VPS16: variants seen among roughly 807,000 people sequenced by gnomAD.
VPS16 encodes the protein VPS16 core subunit of CORVET and HOPS complexes.
A neutral mutation model predicts 116.0 loss-of-function variants in VPS16; 82 were observed. That is an observed-to-expected ratio of 0.71 (90% CI 0.59 to 0.85). The LOEUF (loss-of-function observed/expected upper bound fraction) is 0.85, where lower values mean the gene tolerates loss of function less well. Ranked by LOEUF, VPS16 falls within the 40% of genes least tolerant of loss-of-function variation. The probability of loss-of-function intolerance (pLI) is 0.00; values close to 1 mark genes in which losing one functional copy is unlikely to be tolerated. For synonymous variants in VPS16, 406 were observed against 420.7 expected (o/e 0.96, Z 0.43); for missense variants, 928 against 1,090.6 (o/e 0.85, Z 2.10).
At position 2,842,674 on chromosome 20, in the gene VPS16, ATATATATATAGATACATCTAGATGTATC is replaced by A. The variant is rs1463090846; in HGVS notation, c.53+1856_53+1883del. Among the ~76,000 whole-genome samples the A allele has an allele frequency of 2.0e-3, 283 of 139,046 alleles. 7 individuals are homozygous for A. Among genetic ancestry groups the A allele is most frequent in the African/African-American group, 6.3e-3 (212 of 33,444 alleles). 91.2% of individuals were successfully genotyped at this position (139,046 alleles called of 152,430 possible). Reference sequence around the variant, plus strand: ...TATAGATAGATATATAGATGTATCTATATATATATAGATACATCTAGATGTATCTATATATAGATAGACATATGGATGT... The same window carrying A: ...TATAGATAGATATATAGATGTATCTATATATATAGATAGACATATGGATGT... On this transcript the variant is annotated intron_variant, in intron 1 of 23. Transcript: ENST00000380445.
In VPS16 at chr20:2,860,034, G is replaced by A; in HGVS notation, c.143-20G>A. Reference sequence around the variant, plus strand: ...GTGGGCCTAGGGAGCTAGGACAGAAGGTCTCTTCTCAAACTGCAGCACTGC... The same window carrying A: ...GTGGGCCTAGGGAGCTAGGACAGAAAGTCTCTTCTCAAACTGCAGCACTGC... On this transcript the variant is annotated intron_variant, in intron 2 of 23. Transcript: ENST00000380445. The surrounding 1 kb of genome is among the most constrained non-coding windows in gnomAD (Gnocchi z 6.1). The A allele has an allele frequency of 6.2e-7, 1 of 1,613,774 alleles. No individual in the cohort carries two copies. Among genetic ancestry groups the A allele is most frequent in the African/African-American group, 1.3e-5 (1 of 75,042 alleles).
In VPS16 at chr20:2,861,232, T is replaced by C; in HGVS notation, c.761T>C (p.Leu254Pro). The C allele has an allele frequency of 6.2e-7, 1 of 1,614,172 alleles. No individual in the cohort carries two copies. Among genetic ancestry groups the C allele is most frequent in the Admixed American group, 1.7e-5 (1 of 60,022 alleles). Reference protein sequence around the residue: ...WMGTASLKEKLCEFNCNIRAP... With the variant: ...WMGTASLKEKPCEFNCNIRAP... ...TTGCCCACACCATTTCAGGAGAAGC[T>C]ATGTGAGTTCAACTGCAACATCCGG... The change falls in exon 8 of 24, where the codon CTA (leucine) becomes CCA (proline). Residue 254 changes from leucine to proline, a missense_variant. By Grantham distance (98) the Leu-to-Pro change is moderately conservative. Transcript: ENST00000380445.
In VPS16 at chr20:2,865,848, T is replaced by C; in HGVS notation, c.2271+353T>C. 2.2e-6 allele frequency: 1 copy of C among 455,558 alleles called. No individual in the cohort carries two copies. 28.2% of individuals were successfully genotyped at this position (455,558 alleles called of 1,614,324 possible). On this transcript the variant is annotated intron_variant, in intron 22 of 23. Transcript: ENST00000380445. This position sits in a 1 kb window ranked among gnomAD's most constrained non-coding sequence, Gnocchi z 5.2. ...GCAGTGGAGATACTGAGGGCTGTTTTCTGTGGTGGGTAGTTCAGAGGTGTA... is the reference window on the plus strand; with the variant it reads ...GCAGTGGAGATACTGAGGGCTGTTTCCTGTGGTGGGTAGTTCAGAGGTGTA...
chr20:2,856,370 G>A (rs2089171944), intron 1 of VPS16, among the ~76,000 whole-genome samples: 1 of 152,164 alleles, frequency 6.6e-6, no homozygotes, highest in African/African-American at 2.4e-5. Flanking sequence ...TAATAATAAT[G>A]AAAAAGTTTG....
chr20:2,849,800 C>CA (rs2089099875), intron 1 of VPS16, among the ~76,000 whole-genome samples: 1 of 152,208 alleles, frequency 6.6e-6, no homozygotes, highest in Non-Finnish European at 1.5e-5. Context: ...GTCACTCCTA[C>CA]AGCACATGTT....
At position 2,860,867 on chromosome 20, in the gene VPS16, A is replaced by C; in HGVS notation, c.630+4A>C. The stretch of plus-strand genomic sequence containing the variant: ...CCATGCAGCCTGCTCCGCAGTGGTA[A>C]GGGCCCTGAGTGGGAATGAAGTGGA... On this transcript the variant is annotated splice_donor_region_variant and intron_variant, in intron 6 of 23. Coordinates refer to ENST00000380445, the MANE Select transcript of VPS16 (RefSeq NM_022575.4). The surrounding 1 kb of genome is among the most constrained non-coding windows in gnomAD (Gnocchi z 6.1). 2 of 1,614,062 alleles carry C rather than the reference A, an allele frequency of 1.2e-6. No homozygotes were observed. Among genetic ancestry groups the C allele is most frequent in the Non-Finnish European group, 1.7e-6 (2 of 1,180,016 alleles).
intron 12 of VPS16, 40 bp downstream of exon 12, chr20:2,862,750 AG>A: frequency 7.8e-6 from 2 of 255,086 alleles, no homozygotes; most frequent in African/African-American, 5.4e-5. Context: ...TGGGGCTGGG[AG>A]GGGGTGGGAT....
Position 2,864,279 on chromosome 20 carries a change from C to T in VPS16, c.1712C>T (p.Thr571Ile). Reference protein sequence around the residue: ...ALSKAIESGDTDLVFTVLLHL... With the variant: ...ALSKAIESGDIDLVFTVLLHL... The stretch of plus-strand genomic sequence containing the variant: ...AGCAAGGCCATCGAGAGCGGGGACA[C>T]TGACCTGGGTGAGGGCAAGGCTGGG... Residue 571 changes from threonine (T) to isoleucine (I), a missense_variant, in exon 17 of 24, where the codon ACT becomes ATT. Coordinates refer to ENST00000380445, the MANE Select transcript of VPS16 (RefSeq NM_022575.4). This position sits in a 1 kb window ranked among gnomAD's most constrained non-coding sequence, Gnocchi z 5.2. 6.2e-7 allele frequency: 1 copy of T among 1,614,186 alleles called. No individual in the cohort carries two copies. The highest frequency in any genetic ancestry group is 8.5e-7 in the Non-Finnish European group (1 of 1,180,022).
intron 2 of VPS16, 99 bp from the exon 3 acceptor site, chr20:2,859,955 G>C: frequency 1.3e-6 from 2 of 1,537,252 alleles, no homozygotes; most frequent in South Asian, 1.1e-5. Context: ...TTATAGGCCT[G>C]CTTCACATGG....
intron 11 of VPS16, 86 bp from the exon 12 acceptor site, chr20:2,862,493 T>C: frequency 6.4e-7 from 1 of 1,553,400 alleles, no homozygotes; most frequent in Non-Finnish European, 8.7e-7. Flanking sequence ...ACCCAGCTTA[T>C]TTGAACCACA....
rs1159694269 is a variant in VPS16, at chr20:2,863,904, G to A, written c.1477-45G>A. 6.2e-7 allele frequency: 1 copy of A among 1,600,274 alleles called. No individual in the cohort carries two copies. The highest frequency in any genetic ancestry group is 8.5e-7 in the Non-Finnish European group (1 of 1,170,654). ...CTAAGGGCTTGCAGGAGTGGAGAGT[G>A]AGGAATGGCATCCAGATGTTTGTGA... On this transcript the variant is annotated intron_variant, in intron 15 of 23. Transcript: ENST00000380445. The surrounding 1 kb of genome is among the most constrained non-coding windows in gnomAD (Gnocchi z 4.4).
chr20:2,862,376 G>T, intron 11 of VPS16: 5 of 1,184,298 alleles, frequency 4.2e-6, no homozygotes, highest in Non-Finnish European at 5.8e-6. Context: ...AGTTCTCAAG[G>T]CCCCCCTAAA....
In VPS16 at chr20:2,865,212, A is replaced by G; in HGVS notation, c.2069A>G (p.Gln690Arg). 1.2e-6 allele frequency: 2 copies of G among 1,614,178 alleles called. No individual in the cohort carries two copies. Among genetic ancestry groups the G allele is most frequent in the Non-Finnish European group, 1.7e-6 (2 of 1,180,014 alleles). ...QRRLEDELGG[Q>R]FLDLSLHDTV... ...CGCCTAGAAGACGAGCTGGGGGGCCAGTTCCTAGACCTGTCTCTACATGAC... is the reference window on the plus strand; with the variant it reads ...CGCCTAGAAGACGAGCTGGGGGGCCGGTTCCTAGACCTGTCTCTACATGAC... The change falls in exon 21 of 24, where the codon CAG (glutamine) becomes CGG (arginine). Residue 690 changes from glutamine to arginine, a missense_variant. Transcript: ENST00000380445. This position sits in a 1 kb window ranked among gnomAD's most constrained non-coding sequence, Gnocchi z 5.2.
intron 1 of VPS16, among the ~76,000 whole-genome samples, chr20:2,849,273 A>C (rs1176358624): frequency 1.3e-5 from 2 of 151,472 alleles, no homozygotes; most frequent in Non-Finnish European, 2.9e-5. Flanking sequence ...CAGCAGTAGC[A>C]GCTATGTGGC....
intron 1 of VPS16, among the ~76,000 whole-genome samples, chr20:2,850,634 G>A (rs2089108638): frequency 1.3e-5 from 2 of 151,648 alleles, no homozygotes; most frequent in Non-Finnish European, 1.5e-5. Flanking sequence ...CCAAAGAAAA[G>A]AAAAAGAAAA....
chr20:2,863,033 TC>T lies in VPS16; in HGVS notation c.1332-30del. On this transcript the variant is annotated intron_variant, in intron 13 of 23. Transcript: ENST00000380445. This position sits in a 1 kb window ranked among gnomAD's most constrained non-coding sequence, Gnocchi z 4.4. ...GGTACCTGGCAAGCGGGGCTTATTC[TC>T]CAACTGGATCCTTAACCGAGGAAAA... The T allele has an allele frequency of 6.2e-7, 1 of 1,614,028 alleles. No individual in the cohort carries two copies. The highest frequency in any genetic ancestry group is 8.5e-7 in the Non-Finnish European group (1 of 1,179,998).
Position 2,864,797 on chromosome 20 carries a change from G to C in VPS16, c.1926+143G>C. 8.6e-7 allele frequency: 1 copy of C among 1,163,044 alleles called. No individual in the cohort carries two copies. Among genetic ancestry groups the C allele is most frequent in the Non-Finnish European group, 1.2e-6 (1 of 805,042 alleles). 72.0% of individuals were successfully genotyped at this position (1,163,044 alleles called of 1,614,324 possible). ...TGAGGGAGACTCTGACGTGAGGCCA[G>C]GATGGGGGTTAGTGTCAGAGGAGCT... On this transcript the variant is annotated intron_variant, in intron 19 of 23. Coordinates refer to ENST00000380445, the MANE Select transcript of VPS16 (RefSeq NM_022575.4). This position sits in a 1 kb window ranked among gnomAD's most constrained non-coding sequence, Gnocchi z 5.2.
intron 1 of VPS16, among the ~76,000 whole-genome samples, chr20:2,848,637 G>T (rs941515901): frequency 2.0e-5 from 3 of 152,222 alleles, no homozygotes; most frequent in Non-Finnish European, 2.9e-5. Context: ...CTGCTTGTGA[G>T]TGATGGGGTA....
Position 2,865,433 on chromosome 20 carries a change from T to C in VPS16, c.2209T>C (p.Leu737=). 6.2e-7 allele frequency: 1 copy of C among 1,614,118 alleles called. No individual in the cohort carries two copies. The highest frequency in any genetic ancestry group is 1.3e-5 in the African/African-American group (1 of 75,026). ...GCTGAAGCTGACTGCCCTGGCAGAT[T>C]TGGAAGATTGGGAAGAGCTAGAGAA... ...WWLKLTALAD[L]EDWEELEKFS... Residue 737 remains leucine (L), a synonymous_variant, in exon 22 of 24, where the codon TTG becomes CTG. Transcript: ENST00000380445. This position sits in a 1 kb window ranked among gnomAD's most constrained non-coding sequence, Gnocchi z 5.2.
Sources: gnomAD v4.1 joint callset for allele counts (sites outside exome capture counted in the v4.1 genomes callset) on GRCh38, gnomAD v4.1.1 for gene constraint, Gnocchi (gnomAD v3.1) non-coding constraint, MANE v1.5 for transcripts, NCBI Gene and HGNC (gene_info 2026-07-23, HGNC 2026-07-21) for gene names.